SWAP70: variants seen among roughly 807,000 people sequenced by gnomAD.
The protein encoded by SWAP70 is switching B cell complex subunit SWAP70.
A neutral mutation model predicts 80.2 loss-of-function variants in SWAP70; 34 were observed. That is an observed-to-expected ratio of 0.42 (90% CI 0.32 to 0.56). The LOEUF (loss-of-function observed/expected upper bound fraction) is 0.56, where lower values mean the gene tolerates loss of function less well. Among genes scored for constraint, SWAP70 ranks in the 20% least tolerant of loss-of-function variants. The pLI, the probability that SWAP70 is intolerant of heterozygous loss-of-function variation, is 0.09. For missense variants in SWAP70, 578 were observed against 690.7 expected, an observed-to-expected ratio of 0.84 and a Z score of 1.83; for synonymous variants, 239 against 238.5, an observed-to-expected ratio of 1.00 and a Z score of -0.02.
At chr11:9,726,528 T>G (rs1401058621) in intron 4 of SWAP70, among the ~76,000 whole-genome samples, 2 of 152,218 alleles carry the variant, frequency 1.3e-5, no homozygotes, top group African/African-American at 4.8e-5. Context: ...GATGGCAGGA[T>G]ATGACTGTAG....
chr11:9,748,203 G>A, intron 10 of SWAP70, 147 bp downstream of exon 10: 1 of 782,174 alleles, frequency 1.3e-6, no homozygotes, highest in Non-Finnish European at 2.0e-6. Flanking sequence ...AGTTTTTACA[G>A]GAGATAAGAT....
intron 7 of SWAP70, among the ~76,000 whole-genome samples, chr11:9,735,379 A>G (rs926494295): frequency 6.6e-6 from 1 of 152,216 alleles, no homozygotes; most frequent in African/African-American, 2.4e-5. Context: ...CTGTTATACA[A>G]CTGTGTCATT....
In SWAP70 at chr11:9,724,760, C is replaced by T. The variant is rs1202030328; in HGVS notation, c.517C>T (p.Leu173Phe). 1 of 1,614,042 alleles carries T rather than the reference C, an allele frequency of 6.2e-7. No individual in the cohort carries two copies. The highest frequency in any genetic ancestry group is 8.5e-7 in the Non-Finnish European group (1 of 1,179,968). The change falls in exon 4 of 12, where the codon CTT (leucine) becomes TTT (phenylalanine). Residue 173 changes from leucine (L) to phenylalanine (F), a missense_variant. By Grantham distance (22) the Leu-to-Phe change is conservative. Coordinates refer to ENST00000318950, the MANE Select transcript of SWAP70 (RefSeq NM_015055.4). ...CAACTTTGATGACAGTAAAAATGGC[C>T]TTTCTGCATGGGAACTTATTGAGCT... ...KINFDDSKNGLSAWELIELIG... is the reference protein window; with the variant it reads ...KINFDDSKNGFSAWELIELIG...
intron 1 of SWAP70, among the ~76,000 whole-genome samples, chr11:9,675,644 T>G (rs1850488324): frequency 6.6e-6 from 1 of 152,090 alleles, no homozygotes; most frequent in Non-Finnish European, 1.5e-5. Flanking sequence ...TAAGCCCTCC[T>G]CCGCACACCA....
chr11:9,702,419 T>G (rs1262981644), intron 2 of SWAP70, among the ~76,000 whole-genome samples: 2 of 151,804 alleles, frequency 1.3e-5, no homozygotes, highest in African/African-American at 4.8e-5. Flanking sequence ...TTGTTTTTTT[T>G]TTTGTTTTCT....
chr11:9,721,471 CT>C (rs11331062), intron 3 of SWAP70, among the ~76,000 whole-genome samples: 47,530 of 137,964 alleles, frequency 0.34, 8,127 homozygotes, highest in African/African-American at 0.41. Context: ...TTCTTTCTTT[CT>C]TTTTTTTTTT....
intron 2 of SWAP70, among the ~76,000 whole-genome samples, chr11:9,703,632 T>G (rs1425611508): frequency 6.6e-6 from 1 of 152,206 alleles, no homozygotes; most frequent in East Asian, 1.9e-4. Context: ...TTACTAGTTG[T>G]TGGGTTGTTG....
chr11:9,713,761 C>A, intron 3 of SWAP70, 122 bp downstream of exon 3: 1 of 1,179,328 alleles, frequency 8.5e-7, no homozygotes, highest in Non-Finnish European at 1.2e-6. Flanking sequence ...GTTTTTGGAT[C>A]AGAGGCAAAG....
At chr11:9,671,631 T>C (rs1219618846) in intron 1 of SWAP70, among the ~76,000 whole-genome samples, 2 of 97,076 alleles carry the variant, frequency 2.1e-5, no homozygotes, top group Non-Finnish European at 3.8e-5. Context: ...TATATAAATA[T>C]ATAAATATTT....
chr11:9,736,119 C>A (rs1233125176), intron 7 of SWAP70, among the ~76,000 whole-genome samples: 1 of 151,970 alleles, frequency 6.6e-6, no homozygotes, highest in East Asian at 1.9e-4. Context: ...TCTTGTAGCC[C>A]AAATATACTG....
At chr11:9,741,390 T>G (rs1851436196) in intron 9 of SWAP70, 1 of 152,188 alleles carries the variant, frequency 6.6e-6, no homozygotes, top group South Asian at 2.1e-4. Context: ...CAGGTGCACA[T>G]TCACTGCACT....
At chr11:9,689,746 G>T (rs1850672919) in intron 1 of SWAP70, among the ~76,000 whole-genome samples, 1 of 152,190 alleles carries the variant, frequency 6.6e-6, no homozygotes, top group Non-Finnish European at 1.5e-5. Flanking sequence ...GAGGGATAGG[G>T]TGCTGGGAGA....
At chr11:9,717,469 A>G (rs1445743076) in intron 3 of SWAP70, among the ~76,000 whole-genome samples, 2 of 152,090 alleles carry the variant, frequency 1.3e-5, no homozygotes, top group Non-Finnish European at 2.9e-5. Context: ...CCCTGTGTCT[A>G]CAAAAAAATA....
chr11:9,713,740 C>T, intron 3 of SWAP70, 101 bp downstream of exon 3: 1 of 1,336,288 alleles, frequency 7.5e-7, no homozygotes, highest in Non-Finnish European at 1.0e-6. Flanking sequence ...GGAAGGAGAT[C>T]CTTGGCTAGT....
chr11:9,725,532 T>A lies in SWAP70; in HGVS notation c.642+647T>A, dbSNP rs866878656. Among the ~76,000 whole-genome samples, 112 of 31,994 alleles carry A rather than the reference T, an allele frequency of 3.5e-3. 2 individuals are homozygous for A. The highest frequency in any genetic ancestry group is 0.012 in the African/African-American group (81 of 6,876). 21.0% of individuals were successfully genotyped at this position (31,994 alleles called of 152,430 possible). ...CCCTGTCTGTATTAAAAATACAAAA[T>A]ATATATATATATATATATATATATA... On this transcript the variant is annotated intron_variant, in intron 4 of 11. Coordinates refer to ENST00000318950, the MANE Select transcript of SWAP70 (RefSeq NM_015055.4).
intron 2 of SWAP70, among the ~76,000 whole-genome samples, chr11:9,704,673 A>G (rs912533668): frequency 6.6e-6 from 1 of 152,182 alleles, no homozygotes; most frequent in Non-Finnish European, 1.5e-5. Context: ...GATTGCAGGC[A>G]TGAACCACTG....
intron 1 of SWAP70, among the ~76,000 whole-genome samples, chr11:9,674,456 T>C (rs558352200): frequency 1.9e-3 from 285 of 152,066 alleles, no homozygotes; most frequent in Non-Finnish European, 2.8e-3. Context: ...TCCCAGAACT[T>C]TGGAAAGCTG....
chr11:9,714,943 A>G (rs1851046937), intron 3 of SWAP70, among the ~76,000 whole-genome samples: 1 of 140,236 alleles, frequency 7.1e-6, no homozygotes, highest in Admixed American at 7.2e-5. Context: ...AGTAGCTGTG[A>G]TTACAGGTGC....
chr11:9,675,132 TAA>T (rs1242719751), intron 1 of SWAP70, among the ~76,000 whole-genome samples: 1 of 151,760 alleles, frequency 6.6e-6, no homozygotes, highest in African/African-American at 2.4e-5. Flanking sequence ...ACAAGAAATT[TAA>T]AAAGTTAGAG....
Sources: allele counts gnomAD v4.1 joint callset (sites outside exome capture counted in the v4.1 genomes callset), GRCh38; gene constraint gnomAD v4.1.1; transcripts MANE v1.5; gene names NCBI Gene and HGNC (gene_info 2026-07-23, HGNC 2026-07-21).